Variants in AGL observed in about 807,000 individuals in gnomAD.
AGL encodes glycogen debranching enzyme.
AGL carries 128 observed loss-of-function variants against 199.3 expected under a neutral mutation model. The observed-to-expected ratio is 0.64, with a 90% confidence interval of 0.56 to 0.74. The LOEUF (loss-of-function observed/expected upper bound fraction) is 0.74. Ranked by LOEUF, AGL falls within the 30% of genes least tolerant of loss-of-function variation. AGL has a pLI of 0.00. For synonymous variants in AGL, 584 were observed against 594.7 expected (o/e 0.98, Z 0.26); for missense variants, 1,809 against 1,820.8 (o/e 0.99, Z 0.12).
At chr1:99,916,842 A>C in intron 33 of AGL, 111 bp downstream of exon 33, 7 of 1,164,276 alleles carry the variant, frequency 6.0e-6, no homozygotes, top group Non-Finnish European at 8.7e-6. Context: ...AGGTATCCCA[A>C]TGAAAAGTGA....
chr1:99,897,366 A>G (rs1653415391), intron 25 of AGL, among the ~76,000 whole-genome samples: 1 of 152,230 alleles, frequency 6.6e-6, no homozygotes, highest in African/African-American at 2.4e-5. Flanking sequence ...GATTATCAAC[A>G]GTCTAAGGCT....
intron 31 of AGL, 75 bp downstream of exon 31, chr1:99,915,561 T>TG (rs1557792932): frequency 3.9e-6 from 5 of 1,294,924 alleles, no homozygotes; most frequent in East Asian, 4.6e-5. Context: ...TAATTTTTTT[T>TG]TTTTTGCCAG....
In AGL at chr1:99,884,178, T is replaced by TA. The variant is rs1652265629; in HGVS notation, c.2368dup (p.Arg790LysfsTer4). The TA allele has an allele frequency of 6.2e-7, 1 of 1,612,748 alleles. No individual in the cohort carries two copies. The highest frequency in any genetic ancestry group is 1.3e-5 in the African/African-American group (1 of 74,868). ...CTATTGAGAGAAACACGAAACCTTATAGGAAGGATGAGAATTCAATCAATG... is the reference window on the plus strand; with the variant it reads ...CTATTGAGAGAAACACGAAACCTTATAAGGAAGGATGAGAATTCAATCAATG... On this transcript the variant is annotated frameshift_variant, in exon 18 of 34. Transcript: ENST00000361915. LOFTEE classifies it high-confidence loss of function.
intron 5 of AGL, among the ~76,000 whole-genome samples, chr1:99,865,365 G>A (rs2101096765): frequency 6.6e-6 from 1 of 152,278 alleles, no homozygotes; most frequent in East Asian, 1.9e-4. Flanking sequence ...ATTATTTGGA[G>A]AGAAACTTAT....
intron 24 of AGL, among the ~76,000 whole-genome samples, chr1:99,893,668 C>T (rs1218803292): frequency 1.3e-5 from 2 of 152,164 alleles, no homozygotes; most frequent in South Asian, 2.1e-4. Flanking sequence ...TAAACTGTTA[C>T]ATCTGACATA....
chr1:99,868,654 C>T (rs1650735573), intron 5 of AGL, among the ~76,000 whole-genome samples: 1 of 151,990 alleles, frequency 6.6e-6, no homozygotes, highest in Non-Finnish European at 1.5e-5. Flanking sequence ...TGTTGGCATA[C>T]ACTTGTCGTC....
At chr1:99,875,065 AGG>A in intron 8 of AGL, 87 bp from the exon 9 acceptor site, 1 of 1,205,672 alleles carries the variant, frequency 8.3e-7, no homozygotes, top group Admixed American at 2.0e-5. Context: ...AATATATTTA[AGG>A]TTTCTGTGAC....
At chr1:99,896,658 G>A (rs181229635) in intron 25 of AGL, among the ~76,000 whole-genome samples, 108 of 152,254 alleles carry the variant, frequency 7.1e-4, no homozygotes, top group Non-Finnish European at 1.1e-3. Context: ...AACTAAAAAT[G>A]TTATAACCTT....
intron 17 of AGL, 99 bp downstream of exon 17, chr1:99,881,790 T>G: frequency 8.7e-7 from 1 of 1,148,978 alleles, no homozygotes; most frequent in Middle Eastern, 3.0e-4. Context: ...ATCATATATA[T>G]TATAACACAG....
intron 6 of AGL, 36 bp from the exon 7 acceptor site, chr1:99,870,722 G>T: frequency 7.0e-6 from 10 of 1,418,618 alleles, no homozygotes; most frequent in Non-Finnish European, 9.9e-6. Flanking sequence ...ATAAGTATAT[G>T]TATATATGTA....
intron 27 of AGL, among the ~76,000 whole-genome samples, chr1:99,903,614 A>C (rs1193614350): frequency 1.3e-5 from 2 of 152,152 alleles, no homozygotes; most frequent in Admixed American, 1.3e-4. Context: ...ATGTGTCTTT[A>C]TAGCAGCATG....
At chr1:99,902,533 G>A in intron 26 of AGL, 150 bp from the exon 27 acceptor site, 1 of 648,406 alleles carries the variant, frequency 1.5e-6, no homozygotes, top group Non-Finnish European at 2.9e-6. Flanking sequence ...TTGGTATATA[G>A]GAGCTGCTTC....
At chr1:99,887,288 T>C (rs989384802) in intron 20 of AGL, among the ~76,000 whole-genome samples, 1 of 152,236 alleles carries the variant, frequency 6.6e-6, no homozygotes, top group African/African-American at 2.4e-5. Context: ...TGGTCAGTTA[T>C]ACAGTCTTAC....
In AGL at chr1:99,916,744, G is replaced by A; in HGVS notation, c.4481+13G>A. On this transcript the variant is annotated intron_variant, in intron 33 of 33. Coordinates refer to ENST00000361915, the MANE Select transcript of AGL (RefSeq NM_000642.3). ...TTCATCTTGAGAGGTAAGTCATCAG[G>A]AGCATGTAATTTCCATAACTAGTGT... 6.2e-7 allele frequency: 1 copy of A among 1,611,902 alleles called. No individual in the cohort carries two copies. The highest frequency in any genetic ancestry group is 8.5e-7 in the Non-Finnish European group (1 of 1,178,330).
At chr1:99,878,621 G>C (rs1651764442) in intron 12 of AGL, among the ~76,000 whole-genome samples, 1 of 151,748 alleles carries the variant, frequency 6.6e-6, no homozygotes, top group Non-Finnish European at 1.5e-5. Flanking sequence ...CCCTACAGTG[G>C]CACTGCTTAT....
chr1:99,862,385 A>C lies in AGL; in HGVS notation c.422A>C (p.Asp141Ala). Residue 141 changes from aspartate to alanine, a missense_variant, in exon 4 of 34, where the codon GAT becomes GCT. Asp to Ala is a moderately radical substitution (Grantham distance 126). Transcript: ENST00000361915. ...TFLAKCLGPF[D>A]EWESRLRVAK... ...TTAGCTAAGTGTTTGGGACCTTTTG[A>C]TGAATGGGAAAGCAGACTTAGGGTT... is the stretch of plus-strand genomic sequence containing the variant. The C allele has an allele frequency of 6.2e-7, 1 of 1,614,086 alleles. No individual in the cohort carries two copies. The highest frequency in any genetic ancestry group is 8.5e-7 in the Non-Finnish European group (1 of 1,179,988).
At position 99,864,639 on chromosome 1, in the gene AGL, C is replaced by A. The variant is rs750715340; in HGVS notation, c.664+50C>A. The A allele has an allele frequency of 2.1e-6, 3 of 1,444,338 alleles. No individual in the cohort carries two copies. In the Admixed American group the frequency reaches 5.0e-5, roughly 24 times the overall value. The allele number at this position is 1,444,338 out of a possible 1,614,324, so 89.5% of individuals were successfully genotyped here. A position where few individuals can be genotyped will look rare whatever the true frequency, so the allele number is the denominator to read the frequency against. On this transcript the variant is annotated intron_variant, in intron 5 of 33. Coordinates refer to ENST00000361915, the MANE Select transcript of AGL (RefSeq NM_000642.3). ...ATTAATTTTGATGAGAATTTATGCA[C>A]ACACACATATACACACAAATAAGAG...
chr1:99,894,251 T>C (rs1434270040), intron 24 of AGL, among the ~76,000 whole-genome samples: 1 of 152,128 alleles, frequency 6.6e-6, no homozygotes, highest in African/African-American at 2.4e-5. Flanking sequence ...TTAGAAGATA[T>C]GGAATCTATT....
intron 26 of AGL, 35 bp downstream of exon 26, chr1:99,900,896 T>C (rs781282786): frequency 6.6e-7 from 1 of 1,522,896 alleles, no homozygotes; most frequent in South Asian, 1.2e-5. Context: ...TTTTGTTTTT[T>C]TTTTTTTTTC....
Sources: gnomAD v4.1 joint callset for allele counts (sites outside exome capture counted in the v4.1 genomes callset) on GRCh38, gnomAD v4.1.1 for gene constraint, MANE v1.5 for transcripts, NCBI Gene and HGNC (gene_info 2026-07-23, HGNC 2026-07-21) for gene names.